The following TAF1D variants were observed in gnomAD, a reference collection of about 807,000 sequenced individuals.
The protein encoded by TAF1D is TATA box-binding protein-associated factor RNA polymerase I subunit D.
TAF1D carries 23 observed loss-of-function variants against 26.2 expected under a neutral mutation model. That is an observed-to-expected ratio of 0.88 (90% CI 0.63 to 1.25). The LOEUF (loss-of-function observed/expected upper bound fraction) is 1.25. TAF1D is among the 50% of genes most tolerant of loss of function. TAF1D has a pLI of 0.00. For synonymous variants in TAF1D, 100 were observed against 105.6 expected (o/e 0.95, Z 0.33); for missense variants, 299 against 322.0 (o/e 0.93, Z 0.55).
At chr11:93,737,388 G>C in intron 3 of TAF1D, 149 bp from the exon 4 acceptor site, 1 of 482,254 alleles carries the variant, frequency 2.1e-6, no homozygotes, top group Non-Finnish European at 3.6e-6. Context: ...ATCAAATGCT[G>C]ATTATTAAAA....
At chr11:93,738,689 T>TAG in intron 2 of TAF1D, among the ~76,000 whole-genome samples, 190 bp from the exon 3 acceptor site, 1 of 152,320 alleles carries the variant, frequency 6.6e-6, no homozygotes, top group South Asian at 2.1e-4. Context: ...TAGCCCATAA[T>TAG]GCTACAGCTC....
At chr11:93,735,208 C>T (rs148103268), downstream of TAF1D, 4 of 1,351,686 alleles carry the variant, frequency 3.0e-6, no homozygotes, top group Non-Finnish European at 2.9e-6. Context: ...AGTCTTTGTC[C>T]ACGTTAAACA....
exon 12 of TAF1D, chr11:93,730,319 G>A (rs1405845860): frequency 7.9e-7 from 1 of 1,259,526 alleles, no homozygotes; most frequent in African/African-American, 1.5e-5. Flanking sequence ...TGTAGCATTA[G>A]ACAAAATTAT....
At position 93,738,332 on chromosome 11, in the gene TAF1D, G is replaced by C. The variant is rs1444797839; in HGVS notation, c.236C>G (p.Ala79Gly). Reference protein sequence around the residue: ...SFEPIPLTIKAIFERFKNRKK... With the variant: ...SFEPIPLTIKGIFERFKNRKK... ...CCTGTTCTTGAATCTTTCAAAAATA[G>C]CTTTTATAGTCAATGGTATTGGTTC... Residue 79 changes from alanine to glycine, a missense_variant, in exon 3 of 6, where the codon GCT (alanine) becomes GGT (glycine). Transcript: ENST00000448108. 4 of 1,612,112 alleles carry C rather than the reference G, an allele frequency of 2.5e-6. No individual in the cohort carries two copies. The highest frequency in any genetic ancestry group is 2.2e-5 in the South Asian group (2 of 90,518).
rs970800487 is a variant in TAF1D at position 93,735,962 on chromosome 11, T to G, written c.*199A>C. The G allele has an allele frequency of 3.7e-6, 5 of 1,338,058 alleles. No individual in the cohort carries two copies. The highest frequency in any genetic ancestry group is 4.8e-6 in the Non-Finnish European group (5 of 1,049,962). The allele number at this position is 1,338,058 out of a possible 1,614,324, so 82.9% of individuals were successfully genotyped here. On this transcript the variant is annotated 3_prime_UTR_variant, in exon 6 of 6. Coordinates refer to ENST00000448108, the MANE Select transcript of TAF1D (RefSeq NM_024116.4). ...TGTATTTTCTCTGGTGTTTTAATGG[T>G]TTTTTTTCTAATTATTACTACTTCA... is the stretch of plus-strand genomic sequence containing the variant.
chr11:93,732,032 G>A (rs1342672325), downstream of TAF1D: 1 of 518,470 alleles, frequency 1.9e-6, no homozygotes, highest in South Asian at 1.4e-5. Flanking sequence ...TGTCACCACT[G>A]CAATATGCAT....
chr11:93,735,276 C>T (rs1355235033), downstream of TAF1D: 3 of 1,297,390 alleles, frequency 2.3e-6, no homozygotes, highest in Non-Finnish European at 3.0e-6. Flanking sequence ...TCAGCTCTAT[C>T]GTGGTGATCA....
downstream of TAF1D, chr11:93,733,420 C>T (rs758631304): frequency 1.9e-6 from 1 of 518,636 alleles, no homozygotes; most frequent in South Asian, 1.4e-5. Context: ...AGTAGATTAT[C>T]TGGTTTTTCA....
At chr11:93,731,974 T>TC (rs764713360), downstream of TAF1D, 1 of 500,756 alleles carries the variant, frequency 2.0e-6, no homozygotes, top group South Asian at 1.5e-5. Context: ...TCAACATTTT[T>TC]CTCCTACATT....
Position 93,735,918 on chromosome 11 carries a change from A to G in TAF1D, c.*243T>C. ...AGCTCTTATTCAGAAATCAAATGAC[A>G]ATTTCTCAAATTTTTCTATGTATTT... On this transcript the variant is annotated 3_prime_UTR_variant, in exon 6 of 6. Coordinates refer to ENST00000448108, the MANE Select transcript of TAF1D (RefSeq NM_024116.4). 1 of 1,265,556 alleles carries G rather than the reference A, an allele frequency of 7.9e-7. No individual in the cohort carries two copies. Among genetic ancestry groups the G allele is most frequent in the Non-Finnish European group, 9.9e-7 (1 of 1,006,096 alleles). The allele number at this position is 1,265,556 out of a possible 1,614,324, so 78.4% of individuals were successfully genotyped here.
downstream of TAF1D, chr11:93,732,772 C>T (rs976392012): frequency 1.9e-5 from 4 of 215,482 alleles, no homozygotes; most frequent in East Asian, 4.7e-4. Flanking sequence ...GTTGCTCAAA[C>T]TGCCAGTTAC....
chr11:93,734,744 C>T (rs1940309209), downstream of TAF1D: 1 of 1,285,210 alleles, frequency 7.8e-7, no homozygotes, highest in African/African-American at 1.5e-5. Flanking sequence ...CCCTCATATC[C>T]CATGCTGTTT....
downstream of TAF1D, chr11:93,731,603 C>T (rs745347754): frequency 5.8e-6 from 3 of 517,598 alleles, no homozygotes; most frequent in East Asian, 5.4e-5. Flanking sequence ...CACATAATAA[C>T]GTAAGCCTAG....
At chr11:93,736,372 T>G in intron 5 of TAF1D, 68 bp from the exon 6 acceptor site, 1 of 1,495,666 alleles carries the variant, frequency 6.7e-7, no homozygotes, top group Non-Finnish European at 8.9e-7. Context: ...TACATATAGC[T>G]GAATGCCCTG....
chr11:93,738,274 C>A lies in TAF1D; in HGVS notation c.294G>T (p.Arg98Ser). The A allele has an allele frequency of 6.2e-7, 1 of 1,611,642 alleles. No homozygotes were observed. The highest frequency in any genetic ancestry group is 8.5e-7 in the Non-Finnish European group (1 of 1,179,520). Residue 98 changes from arginine (R) to serine (S), a missense_variant, in exon 3 of 6, where the codon AGG (arginine) becomes AGT (serine). Transcript: ENST00000448108. ...KKRYKKKKKR[R>S]YQPTGRPRGR... ...CCCGTGGTCTTCCTGTTGGCTGGTA[C>A]CTCCTCTTTTTCTTTTTTTTATATC...
chr11:93,738,520 T>C (rs769226853), intron 2 of TAF1D, 21 bp from the exon 3 acceptor site: 21 of 1,537,364 alleles, frequency 1.4e-5, no homozygotes, highest in African/African-American at 4.2e-5. Flanking sequence ...GGGAAAAAAA[T>C]TAATTTCATC....
rs550189701 is a variant in TAF1D at position 93,736,126 on chromosome 11, T to A, written c.*35A>T. ...TTATTCATTTCTATGAAGTCGTTTTTTCTATATGCTTCACCTTTGACATTC... is the reference window on the plus strand; with the variant it reads ...TTATTCATTTCTATGAAGTCGTTTTATCTATATGCTTCACCTTTGACATTC... On this transcript the variant is annotated 3_prime_UTR_variant, in exon 6 of 6. Transcript: ENST00000448108. 1.2e-6 allele frequency: 2 copies of A among 1,610,928 alleles called. No homozygotes were observed. Among genetic ancestry groups the A allele is most frequent in the African/African-American group, 2.7e-5 (2 of 74,772 alleles).
rs556793770 is a variant in TAF1D at position 93,741,458 on chromosome 11, T to A, written c.-164A>T. The A allele has an allele frequency of 2.0e-4, 93 of 456,192 alleles. 1 individual carries two copies. The highest frequency in any genetic ancestry group is 1.8e-3 in the African/African-American group (88 of 50,168). 28.3% of individuals were successfully genotyped at this position (456,192 alleles called of 1,614,324 possible). A position where few individuals can be genotyped will look rare whatever the true frequency, so the allele number is the denominator to read the frequency against. On this transcript the variant is annotated 5_prime_UTR_variant, in exon 1 of 6. Transcript: ENST00000448108. ...CCGACCTCAGCCCTCCAACTCCCGA[T>A]AACCAGCCGACCTCCTCCAACCGTG...
At chr11:93,734,331 A>G (rs1940189548), downstream of TAF1D, 1 of 233,154 alleles carries the variant, frequency 4.3e-6, no homozygotes, top group African/African-American at 2.3e-5. Context: ...CCTCTGCCTC[A>G]TTTTAGATTG....
Sources: allele counts gnomAD v4.1 joint callset (sites outside exome capture counted in the v4.1 genomes callset), GRCh38; gene constraint gnomAD v4.1.1; transcripts MANE v1.5; gene names NCBI Gene and HGNC (gene_info 2026-07-23, HGNC 2026-07-21).